Variants in PRKCB observed in about 807,000 individuals in gnomAD.
The protein encoded by PRKCB is protein kinase C beta type.
Under a neutral mutation model 81.5 loss-of-function variants are expected in PRKCB, and 13 were observed. That is an observed-to-expected ratio of 0.16 (90% CI 0.10 to 0.25). PRKCB has a LOEUF of 0.25. PRKCB is among the 10% of genes least tolerant of loss of function. PRKCB has a pLI of 1.00. For synonymous variants in PRKCB, 335 were observed against 321.4 expected, an observed-to-expected ratio of 1.04 and a Z score of -0.45; for missense variants, 509 against 875.7, an observed-to-expected ratio of 0.58 and a Z score of 5.29.
intron 2 of PRKCB, among the ~76,000 whole-genome samples, chr16:23,868,073 C>A (rs969743178): frequency 6.6e-6 from 1 of 152,176 alleles, no homozygotes; most frequent in East Asian, 1.9e-4. Flanking sequence ...TATACACTGA[C>A]CTCAGCCTTT....
intron 3 of PRKCB, among the ~76,000 whole-genome samples, chr16:23,996,371 C>G (rs1964956728): frequency 1.3e-5 from 2 of 152,164 alleles, no homozygotes; most frequent in South Asian, 4.1e-4. Context: ...TGCATGGGCT[C>G]AGCAGCATAG....
At chr16:23,837,108 G>GC in intron 1 of PRKCB, 1 of 548,834 alleles carries the variant, frequency 1.8e-6, no homozygotes, top group Non-Finnish European at 3.2e-6. Context: ...CCTGCCTTCA[G>GC]CCCCTACCCC....
intron 5 of PRKCB, among the ~76,000 whole-genome samples, chr16:24,079,834 G>A (rs56250409): frequency 0.017 from 2,529 of 152,298 alleles, 60 homozygotes; most frequent in African/African-American, 0.057. Flanking sequence ...TATGCCTCTA[G>A]AGTTTTACCC....
intron 16 of PRKCB, among the ~76,000 whole-genome samples, chr16:24,211,432 T>C (rs1206757717): frequency 6.6e-6 from 1 of 152,092 alleles, no homozygotes; most frequent in Non-Finnish European, 1.5e-5. Context: ...ACAACCCCAG[T>C]GTGATAGGAA....
chr16:24,205,571 C>G (rs951469575), intron 16 of PRKCB, among the ~76,000 whole-genome samples: 3 of 152,138 alleles, frequency 2.0e-5, no homozygotes, highest in Non-Finnish European at 4.4e-5. Flanking sequence ...TTAAACTAAA[C>G]CCATTTTCTC....
chr16:23,990,046 G>A (rs527264969), intron 3 of PRKCB, among the ~76,000 whole-genome samples: 21 of 152,242 alleles, frequency 1.4e-4, no homozygotes, highest in African/African-American at 2.4e-4. Context: ...ACACATTGCC[G>A]ACATCCTGAG....
At chr16:23,879,435 T>G (rs1045287899) in intron 2 of PRKCB, among the ~76,000 whole-genome samples, 3 of 151,028 alleles carry the variant, frequency 2.0e-5, no homozygotes, top group Non-Finnish European at 4.4e-5. Context: ...CAAACAGATG[T>G]CATAGTAATC....
At chr16:24,039,214 GTCTTTTTT>G (rs1215015736) in intron 5 of PRKCB, among the ~76,000 whole-genome samples, 26 of 152,196 alleles carry the variant, frequency 1.7e-4, no homozygotes, top group Admixed American at 5.2e-4. Flanking sequence ...AGAAATAAAT[GTCTTTTTT>G]TCTTTTTTTC....
At chr16:24,081,429 A>G (rs1255817217) in intron 5 of PRKCB, among the ~76,000 whole-genome samples, 1 of 152,220 alleles carries the variant, frequency 6.6e-6, no homozygotes, top group Non-Finnish European at 1.5e-5. Context: ...TGATCCAATA[A>G]GAAGTATCTA....
At chr16:23,933,844 TCATCCATCCATCCATC>T (rs58975374) in intron 2 of PRKCB, among the ~76,000 whole-genome samples, 2,523 of 118,370 alleles carry the variant, frequency 0.021, 56 homozygotes, top group South Asian at 0.057. Flanking sequence ...GATTTTCTAT[TCATCCATCCATCCATC>T]CATCCATCCA....
At chr16:23,850,928 A>G (rs1401301001) in intron 2 of PRKCB, among the ~76,000 whole-genome samples, 2 of 152,130 alleles carry the variant, frequency 1.3e-5, no homozygotes, top group Non-Finnish European at 2.9e-5. Flanking sequence ...TCTTTTGAGT[A>G]ATTTCTGTTC....
chr16:24,025,741 A>C (rs1166027456), intron 3 of PRKCB, among the ~76,000 whole-genome samples: 1 of 152,182 alleles, frequency 6.6e-6, no homozygotes, highest in Admixed American at 6.5e-5. Context: ...TGAATGAACG[A>C]ATGAGTCAAG....
At chr16:23,891,337 G>A (rs997639615) in intron 2 of PRKCB, among the ~76,000 whole-genome samples, 1 of 152,116 alleles carries the variant, frequency 6.6e-6, no homozygotes, top group African/African-American at 2.4e-5. Flanking sequence ...ACAGGCATGA[G>A]ACACTGCATC....
chr16:23,885,434 G>A (rs926507191), intron 2 of PRKCB, among the ~76,000 whole-genome samples: 6 of 152,028 alleles, frequency 3.9e-5, no homozygotes, highest in African/African-American at 1.2e-4. Flanking sequence ...TCAGCCTCCC[G>A]AGTAGCTGAG....
At chr16:24,165,883 CTTTTTTTTT>C (rs71154285) in intron 10 of PRKCB, among the ~76,000 whole-genome samples, 13 of 94,004 alleles carry the variant, frequency 1.4e-4, no homozygotes, top group African/African-American at 4.9e-4. Flanking sequence ...TTCTTTCTTT[CTTTTTTTTT>C]TTTTTTTTTT....
At chr16:23,883,717 G>C (rs190766777) in intron 2 of PRKCB, among the ~76,000 whole-genome samples, 3 of 152,210 alleles carry the variant, frequency 2.0e-5, no homozygotes, top group Non-Finnish European at 4.4e-5. Flanking sequence ...CTGGTAAATG[G>C]GATATGAATT....
chr16:23,984,746 A>G (rs1964779524), intron 2 of PRKCB, among the ~76,000 whole-genome samples: 1 of 152,202 alleles, frequency 6.6e-6, no homozygotes, highest in Admixed American at 6.5e-5. Flanking sequence ...ATTTCCAAGG[A>G]AAATATAAAT....
rs565842189 is a variant in PRKCB at position 24,004,318 on chromosome 16, A to G, written c.288+15728A>G. On this transcript the variant is annotated intron_variant, in intron 3 of 16. Coordinates refer to ENST00000643927, the MANE Select transcript of PRKCB (RefSeq NM_002738.7). ...AAAATAAAAGGGACAAAAGTGTATC[A>G]TGAAAATACATATATAAAAATGAAA... Among the ~76,000 whole-genome samples, 9 of 152,272 alleles carry G rather than the reference A, an allele frequency of 5.9e-5. No individual in the cohort carries two copies. The East Asian group carries it at 1.5e-3, about 26-fold the overall frequency.
intron 2 of PRKCB, among the ~76,000 whole-genome samples, chr16:23,867,066 TTCTTTCTTTC>T (rs142607441): frequency 0.22 from 22,729 of 103,040 alleles, 3,305 homozygotes; most frequent in South Asian, 0.41. Context: ...CTCTCTCTCT[TTCTTTCTTTC>T]TCTTTCTTTC....
Sources: gnomAD v4.1 joint callset for allele counts (sites outside exome capture counted in the v4.1 genomes callset) on GRCh38, gnomAD v4.1.1 for gene constraint, MANE v1.5 for transcripts, NCBI Gene and HGNC (gene_info 2026-07-23, HGNC 2026-07-21) for gene names.